DIP2B: variants seen among roughly 807,000 people sequenced by gnomAD.
DIP2B encodes DIP2 acetate--CoA ligase B (putative).
DIP2B carries 76 observed loss-of-function variants against 198.0 expected under a neutral mutation model. The ratio of observed to expected loss-of-function variants is 0.38; its 90% CI spans 0.32 to 0.46. The LOEUF (loss-of-function observed/expected upper bound fraction) is 0.46. Ranked by LOEUF, DIP2B falls within the 20% of genes least tolerant of loss-of-function variation. The pLI, the probability that DIP2B is intolerant of heterozygous loss-of-function variation, is 0.99. For missense variants in DIP2B, 1,559 were observed against 1,978.4 expected (o/e 0.79, Z 4.02); for synonymous variants, 701 against 739.1 (o/e 0.95, Z 0.84).
chr12:50,576,509 C>T lies in DIP2B; in HGVS notation c.101-49467C>T, dbSNP rs571519519. 8.7e-5 allele frequency among the ~76,000 whole-genome samples: 13 copies of T among 149,140 alleles called. No homozygotes were observed. The East Asian group carries it at 2.2e-3, about 26-fold the overall frequency. ...TTTTTTTCTTTTTTAGACCAAGTCTCGCTCTGTCGCCCAGGCTGGAGTGCA... is the reference window on the plus strand; with the variant it reads ...TTTTTTTCTTTTTTAGACCAAGTCTTGCTCTGTCGCCCAGGCTGGAGTGCA... On this transcript the variant is annotated intron_variant, in intron 1 of 37. Coordinates refer to ENST00000301180, the MANE Select transcript of DIP2B (RefSeq NM_173602.3).
At position 50,648,702 on chromosome 12, in the gene DIP2B, C is replaced by A. The variant is rs10431535; in HGVS notation, c.301+7850C>A. Among the ~76,000 whole-genome samples, 26 of 134,830 alleles carry A rather than the reference C, an allele frequency of 1.9e-4. No individual in the cohort carries two copies. In the East Asian group the frequency reaches 2.8e-3, roughly 14 times the overall value. 88.5% of individuals were successfully genotyped at this position (134,830 alleles called of 152,430 possible). ...TTTTTGAGTTGGGTTGTTCTTCCCC[C>A]CCCCCTCCTTACTTGCAAGGGCTTT... is the stretch of plus-strand genomic sequence containing the variant. On this transcript the variant is annotated intron_variant, in intron 3 of 37. Transcript: ENST00000301180.
At chr12:50,740,561 G>A (rs1259042950) in intron 36 of DIP2B, among the ~76,000 whole-genome samples, 2 of 152,222 alleles carry the variant, frequency 1.3e-5, no homozygotes, top group East Asian at 3.8e-4. Flanking sequence ...TTTGTCATCA[G>A]TCTTCATGAG....
chr12:50,713,334 C>A (rs1939653740), intron 22 of DIP2B, among the ~76,000 whole-genome samples: 1 of 152,198 alleles, frequency 6.6e-6, no homozygotes, highest in Non-Finnish European at 1.5e-5. Flanking sequence ...GATTAACTTG[C>A]CTGACCTATG....
chr12:50,673,208 A>G (rs1317044355), intron 5 of DIP2B, among the ~76,000 whole-genome samples: 2 of 152,234 alleles, frequency 1.3e-5, no homozygotes, highest in Non-Finnish European at 2.9e-5. Flanking sequence ...AATTTTAAAA[A>G]CTATTCAACT....
At chr12:50,693,727 G>C (rs1939259054) in intron 14 of DIP2B, among the ~76,000 whole-genome samples, 1 of 152,142 alleles carries the variant, frequency 6.6e-6, no homozygotes, top group African/African-American at 2.4e-5. Context: ...TCTCTTCTCT[G>C]TGATACCAAG....
intron 1 of DIP2B, among the ~76,000 whole-genome samples, chr12:50,600,685 C>A (rs1958926783): frequency 6.6e-6 from 1 of 152,086 alleles, no homozygotes; most frequent in Non-Finnish European, 1.5e-5. Context: ...TTTCCCCTTC[C>A]AAAAATTACC....
intron 1 of DIP2B, among the ~76,000 whole-genome samples, chr12:50,570,849 G>A (rs954184203): frequency 2.6e-5 from 4 of 152,196 alleles, no homozygotes; most frequent in Admixed American, 6.5e-5. Flanking sequence ...ATTTAAGTTT[G>A]TGAAACAAGG....
At chr12:50,739,916 C>T (rs1940210517) in intron 36 of DIP2B, among the ~76,000 whole-genome samples, 1 of 152,194 alleles carries the variant, frequency 6.6e-6, no homozygotes, top group Non-Finnish European at 1.5e-5. Flanking sequence ...TCTTATAGCT[C>T]TTCTACCCTG....
At chr12:50,567,118 G>T (rs1414711794) in intron 1 of DIP2B, among the ~76,000 whole-genome samples, 1 of 150,608 alleles carries the variant, frequency 6.6e-6, no homozygotes, top group East Asian at 1.9e-4. Flanking sequence ...ACACTTTTCT[G>T]TTGTAAAATT....
rs1279442376 is a variant in DIP2B, at chr12:50,514,836, T to C, written c.100+9596T>C. Reference sequence around the variant, plus strand: ...CCATGCCCGGCTAATTTTTAAGTTTTTTGTAGCAACAAGGTCTTGCTTTGT... The same window carrying C: ...CCATGCCCGGCTAATTTTTAAGTTTCTTGTAGCAACAAGGTCTTGCTTTGT... On this transcript the variant is annotated intron_variant, in intron 1 of 37. Transcript: ENST00000301180. Among the ~76,000 whole-genome samples, 8 of 151,842 alleles carry C rather than the reference T, an allele frequency of 5.3e-5. No individual in the cohort carries two copies. In the East Asian group the frequency reaches 1.5e-3, roughly 29 times the overall value.
chr12:50,551,650 C>T (rs1958428229), intron 1 of DIP2B, among the ~76,000 whole-genome samples: 1 of 152,116 alleles, frequency 6.6e-6, no homozygotes, highest in Non-Finnish European at 1.5e-5. Flanking sequence ...TGCCATGTCG[C>T]CCCAGCTGGT....
intron 1 of DIP2B, among the ~76,000 whole-genome samples, chr12:50,532,086 A>T (rs1474579381): frequency 6.6e-6 from 1 of 152,224 alleles, no homozygotes; most frequent in Non-Finnish European, 1.5e-5. Flanking sequence ...TCAGGATGCC[A>T]GGAATGACTC....
At chr12:50,517,836 T>A (rs1292450323) in intron 1 of DIP2B, among the ~76,000 whole-genome samples, 3 of 152,224 alleles carry the variant, frequency 2.0e-5, no homozygotes, top group Non-Finnish European at 4.4e-5. Context: ...CCCCTTTTTT[T>A]GCCCGGTTAA....
At chr12:50,721,958 T>C (rs1939843977) in intron 26 of DIP2B, among the ~76,000 whole-genome samples, 1 of 103,340 alleles carries the variant, frequency 9.7e-6, no homozygotes, top group African/African-American at 3.3e-5. Flanking sequence ...TTCTTAGATG[T>C]TGTTGAAGGG....
intron 1 of DIP2B, among the ~76,000 whole-genome samples, chr12:50,609,703 G>A (rs1225463274): frequency 1.3e-5 from 2 of 152,218 alleles, no homozygotes; most frequent in Non-Finnish European, 2.9e-5. Context: ...AAATGTCATC[G>A]TCTTCTGAGT....
chr12:50,645,485 TCTCA>T (rs908833484), intron 3 of DIP2B, among the ~76,000 whole-genome samples: 35 of 145,196 alleles, frequency 2.4e-4, no homozygotes, highest in African/African-American at 8.7e-4. Context: ...TGAGACAGGG[TCTCA>T]CTCTGTCACT....
intron 1 of DIP2B, among the ~76,000 whole-genome samples, chr12:50,546,605 A>T (rs1958379687): frequency 6.6e-6 from 1 of 152,230 alleles, no homozygotes; most frequent in South Asian, 2.1e-4. Context: ...TTATCTGGAA[A>T]ATAGGAGGTC....
At chr12:50,514,464 G>A (rs755881562) in intron 1 of DIP2B, among the ~76,000 whole-genome samples, 5 of 152,008 alleles carry the variant, frequency 3.3e-5, no homozygotes, top group South Asian at 2.1e-4. Flanking sequence ...AGTTCCACCC[G>A]TATCTCCTTT....
At chr12:50,693,123 A>C in intron 14 of DIP2B, 110 bp downstream of exon 14, 1 of 1,046,612 alleles carries the variant, frequency 9.6e-7, no homozygotes, top group Non-Finnish European at 1.4e-6. Flanking sequence ...AAATCCCCAA[A>C]AGGTCAGTAA....
Sources: allele counts gnomAD v4.1 joint callset (sites outside exome capture counted in the v4.1 genomes callset), GRCh38; gene constraint gnomAD v4.1.1; transcripts MANE v1.5; gene names NCBI Gene and HGNC (gene_info 2026-07-23, HGNC 2026-07-21).